The following CSNK1G3 variants were observed in gnomAD, a reference collection of about 807,000 sequenced individuals.
The protein encoded by CSNK1G3 is casein kinase I isoform gamma-3.
Under a neutral mutation model 64.3 loss-of-function variants are expected in CSNK1G3, and 23 were observed. That is an observed-to-expected ratio of 0.36 (90% CI 0.26 to 0.51). The LOEUF (loss-of-function observed/expected upper bound fraction) is 0.51, where lower values mean the gene tolerates loss of function less well. Ranked by LOEUF, CSNK1G3 falls within the 20% of genes least tolerant of loss-of-function variation. The pLI is 0.96. For missense variants in CSNK1G3, 357 were observed against 510.5 expected (o/e 0.70, Z 2.90); for synonymous variants, 158 against 162.2 (o/e 0.97, Z 0.20).
At chr5:123,526,864 GTGTGTGTGTGTGTGTGTA>G (rs1580898324) in intron 1 of CSNK1G3, among the ~76,000 whole-genome samples, 5 of 121,942 alleles carry the variant, frequency 4.1e-5, no homozygotes, top group African/African-American at 6.8e-5. Flanking sequence ...GTGTGTGTGT[GTGTGTGTGTGTGTGTGTA>G]TGAACATAAT....
chr5:123,556,268 T>C (rs1454424928), intron 3 of CSNK1G3, among the ~76,000 whole-genome samples: 1 of 152,122 alleles, frequency 6.6e-6, no homozygotes, highest in Non-Finnish European at 1.5e-5. Context: ...GTAAAATTCT[T>C]TTTAGTTATC....
intron 7 of CSNK1G3, 74 bp downstream of exon 7, chr5:123,588,227 A>G: frequency 8.2e-7 from 1 of 1,220,098 alleles, no homozygotes; most frequent in Non-Finnish European, 1.2e-6. Context: ...CCAACTAAAC[A>G]GTTTTCATAT....
chr5:123,525,314 AT>A (rs374117552), intron 1 of CSNK1G3, among the ~76,000 whole-genome samples: 121 of 133,864 alleles, frequency 9.0e-4, no homozygotes, highest in Admixed American at 1.2e-3. Context: ...AGTTGTTTGC[AT>A]TTTTTTTTTT....
At chr5:123,600,045 T>C (rs1342862065) in intron 10 of CSNK1G3, among the ~76,000 whole-genome samples, 1 of 152,090 alleles carries the variant, frequency 6.6e-6, no homozygotes, top group Non-Finnish European at 1.5e-5. Flanking sequence ...ATTATACCTT[T>C]AGTCTTTAGG....
intron 1 of CSNK1G3, among the ~76,000 whole-genome samples, chr5:123,532,821 G>C (rs116011466): frequency 6.6e-6 from 1 of 151,806 alleles, no homozygotes; most frequent in East Asian, 1.9e-4. Flanking sequence ...ATTAATGCCC[G>C]TATGTGGAAA....
intron 4 of CSNK1G3, among the ~76,000 whole-genome samples, chr5:123,565,383 G>A (rs1581159156): frequency 1.3e-5 from 2 of 152,228 alleles, no homozygotes; most frequent in African/African-American, 2.4e-5. Context: ...AGGAGTATAA[G>A]CATTTGTGCT....
At chr5:123,545,768 A>G (rs572469054) in exon 2 of CSNK1G3, 1 of 1,613,768 alleles carries the variant, frequency 6.2e-7, no homozygotes, top group South Asian at 1.1e-5. Flanking sequence ...CATCGTCTGG[A>G]GTTTTAATGG....
intron 1 of CSNK1G3, among the ~76,000 whole-genome samples, chr5:123,536,788 A>G (rs887567318): frequency 2.6e-5 from 4 of 152,148 alleles, no homozygotes; most frequent in Admixed American, 6.6e-5. Context: ...ACATGAATAG[A>G]CATTTTTCAA....
intron 10 of CSNK1G3, among the ~76,000 whole-genome samples, chr5:123,603,210 A>G (rs946395328): frequency 3.3e-5 from 5 of 152,136 alleles, no homozygotes; most frequent in African/African-American, 1.2e-4. Context: ...AACTGATTGC[A>G]AGGAGTAAAG....
At chr5:123,614,459 A>G in exon 13 of CSNK1G3, 1 of 1,492,702 alleles carries the variant, frequency 6.7e-7, no homozygotes, top group Non-Finnish European at 9.2e-7. Context: ...TGTGATTAAA[A>G]TCATCTCTGT....
intron 1 of CSNK1G3, among the ~76,000 whole-genome samples, chr5:123,529,353 A>G (rs533994269): frequency 2.4e-4 from 36 of 152,242 alleles, no homozygotes; most frequent in Non-Finnish European, 4.9e-4. Flanking sequence ...TTTATAAAAC[A>G]TAACTGCTAA....
chr5:123,599,104 A>G (rs1474484425), intron 10 of CSNK1G3, among the ~76,000 whole-genome samples: 1 of 152,188 alleles, frequency 6.6e-6, no homozygotes, highest in Non-Finnish European at 1.5e-5. Context: ...TATGCTTTTC[A>G]CTGTAGCACA....
intron 1 of CSNK1G3, among the ~76,000 whole-genome samples, chr5:123,513,193 C>G (rs56065345): frequency 6.6e-6 from 1 of 152,146 alleles, no homozygotes; most frequent in Admixed American, 6.5e-5. Flanking sequence ...CAAAATCACT[C>G]TGATGGTTAC....
intron 1 of CSNK1G3, among the ~76,000 whole-genome samples, chr5:123,524,474 G>A (rs1314434876): frequency 6.6e-6 from 1 of 152,134 alleles, no homozygotes; most frequent in African/African-American, 2.4e-5. Context: ...AGAAGCAGGG[G>A]TGTGGTTGCA....
At chr5:123,536,368 A>C (rs1780808624) in intron 1 of CSNK1G3, among the ~76,000 whole-genome samples, 1 of 151,800 alleles carries the variant, frequency 6.6e-6, no homozygotes. Context: ...ATTTAAAATA[A>C]CATGAAAATT....
chr5:123,542,209 A>T (rs1781780694), intron 1 of CSNK1G3, among the ~76,000 whole-genome samples: 2 of 152,114 alleles, frequency 1.3e-5, no homozygotes. Flanking sequence ...CATATGCATT[A>T]CCTTACTTTT....
chr5:123,572,360 A>G (rs1418963409), intron 4 of CSNK1G3, among the ~76,000 whole-genome samples: 8 of 152,162 alleles, frequency 5.3e-5, no homozygotes, highest in Admixed American at 5.2e-4. Context: ...AGATGACTTC[A>G]TATTTGGAGT....
intron 4 of CSNK1G3, among the ~76,000 whole-genome samples, chr5:123,573,185 A>G (rs1307074589): frequency 6.6e-6 from 1 of 152,226 alleles, no homozygotes; most frequent in Non-Finnish European, 1.5e-5. Context: ...ATGCAGCTGC[A>G]ATAGAGGTGT....
chr5:123,546,301 T>G (rs1348128175), intron 2 of CSNK1G3, among the ~76,000 whole-genome samples: 1 of 152,150 alleles, frequency 6.6e-6, no homozygotes, highest in Non-Finnish European at 1.5e-5. Flanking sequence ...CCTTTTACCC[T>G]TCCTTCTGCC....
Sources: allele counts gnomAD v4.1 joint callset (sites outside exome capture counted in the v4.1 genomes callset), GRCh38; gene constraint gnomAD v4.1.1; transcripts MANE v1.5; gene names NCBI Gene and HGNC (gene_info 2026-07-23, HGNC 2026-07-21).